DPYD: variants seen among roughly 807,000 people sequenced by gnomAD.
The protein encoded by DPYD is dihydropyrimidine dehydrogenase.
In DPYD, 109 loss-of-function variants were observed where a neutral mutation model predicts 116.2. The ratio of observed to expected loss-of-function variants is 0.94; its 90% CI spans 0.80 to 1.10. DPYD has a LOEUF of 1.10. Ranked by LOEUF, DPYD falls within the 50% of genes least tolerant of loss-of-function variation. The probability of loss-of-function intolerance (pLI) is 0.00; values close to 1 mark genes in which losing one functional copy is unlikely to be tolerated. For missense variants in DPYD, 1,302 were observed against 1,254.5 expected (o/e 1.04, Z -0.57); for synonymous variants, 440 against 432.0 (o/e 1.02, Z -0.23).
chr1:97,759,519 G>A (rs1182816604), intron 3 of DPYD, among the ~76,000 whole-genome samples: 1 of 152,108 alleles, frequency 6.6e-6, no homozygotes, highest in African/African-American at 2.4e-5. Context: ...GTGGAAAACA[G>A]CACTTATCCA....
intron 16 of DPYD, among the ~76,000 whole-genome samples, chr1:97,352,751 G>T (rs991154647): frequency 2.6e-5 from 4 of 151,956 alleles, no homozygotes; most frequent in Non-Finnish European, 5.9e-5. Context: ...ACGTGTTTGG[G>T]GTTCTTGGAA....
intron 13 of DPYD, among the ~76,000 whole-genome samples, chr1:97,507,269 G>A (rs545813935): frequency 5.0e-4 from 76 of 152,046 alleles, no homozygotes; most frequent in Non-Finnish European, 8.1e-4. Context: ...TCAGTTTTCA[G>A]CATGTTAAAA....
intron 2 of DPYD, among the ~76,000 whole-genome samples, chr1:97,882,052 T>A (rs1672253193): frequency 6.6e-6 from 1 of 151,788 alleles, no homozygotes. Context: ...AAAAATTATA[T>A]GATTCTTTTT....
At chr1:97,637,382 CT>C (rs1413997415) in intron 8 of DPYD, among the ~76,000 whole-genome samples, 1 of 152,136 alleles carries the variant, frequency 6.6e-6, no homozygotes, top group Non-Finnish European at 1.5e-5. Flanking sequence ...CTACCTACTT[CT>C]TTTGTTAGCT....
chr1:97,630,780 T>C (rs1657212686), intron 8 of DPYD, among the ~76,000 whole-genome samples: 1 of 152,158 alleles, frequency 6.6e-6, no homozygotes. Flanking sequence ...ATAAGTTCTA[T>C]AATAGGAAGG....
At chr1:97,355,963 G>T (rs151200863) in intron 16 of DPYD, among the ~76,000 whole-genome samples, 40 of 152,234 alleles carry the variant, frequency 2.6e-4, no homozygotes, top group African/African-American at 5.5e-4. Flanking sequence ...AGGATTGTTG[G>T]ATCATATGGT....
chr1:97,760,225 T>A (rs1002513802), intron 3 of DPYD, among the ~76,000 whole-genome samples: 2 of 152,106 alleles, frequency 1.3e-5, no homozygotes, highest in African/African-American at 2.4e-5. Flanking sequence ...GTTTTACTAG[T>A]CCTCTAAGAA....
intron 20 of DPYD, among the ~76,000 whole-genome samples, chr1:97,133,517 T>C (rs1381279630): frequency 6.6e-6 from 1 of 152,142 alleles, no homozygotes; most frequent in Non-Finnish European, 1.5e-5. Context: ...TTGGTTTGTT[T>C]TTATATCTAA....
At chr1:97,867,541 C>T (rs72979762) in intron 2 of DPYD, among the ~76,000 whole-genome samples, 2,825 of 151,836 alleles carry the variant, frequency 0.019, 89 homozygotes, top group African/African-American at 0.065. Flanking sequence ...GCATTATTTA[C>T]CCCCAGGATG....
In DPYD at chr1:97,416,949, C is replaced by T. The variant is rs974289556; in HGVS notation, c.1905+33110G>A. ...ACAATTTCAATTTTCAAAAGAGTGT[C>T]TGGAAAGATCTGGAGCCAGATATAG... is the stretch of plus-strand genomic sequence containing the variant. On this transcript the variant is annotated intron_variant, in intron 14 of 22. Transcript: ENST00000370192. Among the ~76,000 whole-genome samples the T allele has an allele frequency of 2.0e-5, 3 of 152,282 alleles. No homozygotes were observed. The East Asian group carries it at 5.8e-4, about 29-fold the overall frequency.
At chr1:97,233,548 G>A (rs1192506806) in intron 19 of DPYD, among the ~76,000 whole-genome samples, 3 of 152,056 alleles carry the variant, frequency 2.0e-5, no homozygotes, top group East Asian at 1.9e-4. Flanking sequence ...ATATTTATCC[G>A]TGGTGTTGGG....
intron 14 of DPYD, among the ~76,000 whole-genome samples, chr1:97,431,437 A>G (rs1557707163): frequency 6.6e-6 from 1 of 152,088 alleles, no homozygotes; most frequent in Non-Finnish European, 1.5e-5. Flanking sequence ...TTCTGCTCCA[A>G]TCTCTATCTT....
In DPYD at chr1:97,456,284, TAAA is replaced by T. The variant is rs142379758; in HGVS notation, c.1741-6064_1741-6062del. Among the ~76,000 whole-genome samples, 1,052 of 152,152 alleles carry T rather than the reference TAAA, an allele frequency of 6.9e-3. 10 individuals are homozygous for T. The highest frequency in any genetic ancestry group is 0.024 in the African/African-American group (998 of 41,536). On this transcript the variant is annotated intron_variant, in intron 13 of 22. Transcript: ENST00000370192. ...AATCAACTTGAATAAGTTAAATTTT[TAAA>T]AAATGGGGTGTTGTCTATTTATTTT...
intron 11 of DPYD, among the ~76,000 whole-genome samples, chr1:97,551,426 T>A (rs943623334): frequency 6.6e-6 from 1 of 152,078 alleles, no homozygotes; most frequent in East Asian, 1.9e-4. Flanking sequence ...CTGTAACACA[T>A]CATCATTGAA....
At chr1:97,559,210 A>T (rs1184310169) in intron 11 of DPYD, among the ~76,000 whole-genome samples, 1 of 152,174 alleles carries the variant, frequency 6.6e-6, no homozygotes, top group Non-Finnish European at 1.5e-5. Context: ...TCATCAAATG[A>T]TATAAACAAT....
intron 20 of DPYD, among the ~76,000 whole-genome samples, chr1:97,165,839 A>G (rs78612963): frequency 7.6e-4 from 116 of 152,296 alleles, no homozygotes; most frequent in African/African-American, 2.7e-3. Flanking sequence ...ATTTCTGATC[A>G]TTAGATAAAT....
chr1:97,238,569 A>C (rs1662110383), intron 18 of DPYD, among the ~76,000 whole-genome samples: 1 of 152,210 alleles, frequency 6.6e-6, no homozygotes, highest in Non-Finnish European at 1.5e-5. Context: ...GTTTAAAGAA[A>C]ATACATATAT....
intron 20 of DPYD, among the ~76,000 whole-genome samples, chr1:97,156,498 C>T (rs1301223349): frequency 6.6e-6 from 1 of 152,022 alleles, no homozygotes; most frequent in Non-Finnish European, 1.5e-5. Context: ...TTTATGCAGC[C>T]AAAAAGCACA....
At chr1:97,674,646 C>T (rs1021064663) in intron 8 of DPYD, among the ~76,000 whole-genome samples, 1 of 151,670 alleles carries the variant, frequency 6.6e-6, no homozygotes, top group Admixed American at 6.6e-5. Flanking sequence ...AATAAAATTA[C>T]CCACAGAACT....
Sources: allele counts gnomAD v4.1 joint callset (sites outside exome capture counted in the v4.1 genomes callset), GRCh38; gene constraint gnomAD v4.1.1; transcripts MANE v1.5; gene names NCBI Gene and HGNC (gene_info 2026-07-23, HGNC 2026-07-21).